Variants in PALD1 observed in about 807,000 individuals in gnomAD.
PALD1 encodes the protein paladin.
PALD1 carries 57 observed loss-of-function variants against 96.0 expected under a neutral mutation model. The ratio of observed to expected loss-of-function variants is 0.59; its 90% confidence interval spans 0.48 to 0.74. The LOEUF is 0.74. PALD1 is among the 30% of genes least tolerant of loss of function. The pLI, the probability that PALD1 is intolerant of heterozygous loss-of-function variation, is 0.00. For missense variants in PALD1, 1,063 were observed against 1,143.7 expected (o/e 0.93, Z 1.02); for synonymous variants, 464 against 473.6 (o/e 0.98, Z 0.26).
chr10:70,482,067 C>T (rs984530488), intron 1 of PALD1, among the ~76,000 whole-genome samples: 1 of 152,122 alleles, frequency 6.6e-6, no homozygotes, highest in Admixed American at 6.5e-5. Flanking sequence ...TGATTATGAG[C>T]CATCCCCTGT....
Position 70,539,748 on chromosome 10 carries a change from GC to G in PALD1, c.1900del (p.Arg634GlufsTer61). On this transcript the variant is annotated frameshift_variant, in exon 15 of 20. Coordinates refer to ENST00000263563, the MANE Select transcript of PALD1 (RefSeq NM_014431.3). LOFTEE classifies it high-confidence loss of function. The surrounding 1 kb of genome is among the most constrained non-coding windows in gnomAD (Gnocchi z 4.5). ...CCGCATCCCCATGCCGGACTTCTGTGCCCCCCGAGAGGAGGTGAGGGTGCTG... is the reference window on the plus strand; with the variant it reads ...CCGCATCCCCATGCCGGACTTCTGTGCCCCCGAGAGGAGGTGAGGGTGCTG... ...YHRIPMPDFC[A>X]PREEDFDQLL... The G allele has an allele frequency of 2.5e-6, 4 of 1,610,730 alleles. No homozygotes were observed. The highest frequency in any genetic ancestry group is 1.7e-5 in the Admixed American group (1 of 59,476).
At chr10:70,489,262 C>T (rs1846063643) in intron 1 of PALD1, among the ~76,000 whole-genome samples, 1 of 152,156 alleles carries the variant, frequency 6.6e-6, no homozygotes, top group Non-Finnish European at 1.5e-5. Context: ...CCAACCCCAA[C>T]CAATGAGACT....
chr10:70,534,031 C>G lies in PALD1; in HGVS notation c.980C>G (p.Thr327Ser), dbSNP rs752499989. ...ACCAACCTGGGCATGGTCCTGGGCACCCTCATCCTGCTTCACCGCAGTGGG... is the reference window on the plus strand; with the variant it reads ...ACCAACCTGGGCATGGTCCTGGGCAGCCTCATCCTGCTTCACCGCAGTGGG... ...GRTNLGMVLG[T>S]LILLHRSGTT... is the part of the protein sequence containing the mutation. The change falls in exon 8 of 20, where the codon ACC becomes AGC. Residue 327 changes from threonine to serine, a missense_variant. Transcript: ENST00000263563. The G allele has an allele frequency of 1.4e-5, 22 of 1,611,770 alleles. No homozygotes were observed. The East Asian group carries it at 4.9e-4, about 36-fold the overall frequency.
rs769099855 is a variant in PALD1 at position 70,529,207 on chromosome 10, TGCC to T, written c.186-21_186-19del. ...AGGTTGCTTGACTCAGTTTCCATTC[TGCC>T]CCCCCCCCCCCCCCCCAGGTACAAC... On this transcript the variant is annotated intron_variant, in intron 2 of 19. Transcript: ENST00000263563. 17 of 391,714 alleles carry T rather than the reference TGCC, an allele frequency of 4.3e-5. No homozygotes were observed. Among genetic ancestry groups the T allele is most frequent in the Non-Finnish European group, 6.4e-5 (14 of 217,276 alleles). The allele number at this position is 391,714 out of a possible 1,614,324, so 24.3% of individuals were successfully genotyped here.
chr10:70,501,824 T>TGTGG (rs1381739531), intron 1 of PALD1, among the ~76,000 whole-genome samples: 1 of 144,072 alleles, frequency 6.9e-6, no homozygotes. Context: ...TGTGTGTGTG[T>TGTGG]GTGTGTGTGT....
intron 19 of PALD1, 71 bp downstream of exon 19, chr10:70,564,590 C>G: frequency 2.7e-6 from 4 of 1,465,294 alleles, no homozygotes; most frequent in Non-Finnish European, 3.8e-6. Flanking sequence ...CACAGCCACT[C>G]AGTGCCTGTA....
intron 1 of PALD1, among the ~76,000 whole-genome samples, chr10:70,522,210 T>C (rs1846752692): frequency 6.6e-6 from 1 of 151,852 alleles, no homozygotes; most frequent in Non-Finnish European, 1.5e-5. Flanking sequence ...TTTTTTGAGG[T>C]TTCCCAAGTA....
chr10:70,474,603 A>AT (rs1030931447), upstream of PALD1, among the ~76,000 whole-genome samples: 21 of 152,224 alleles, frequency 1.4e-4, no homozygotes, highest in Non-Finnish European at 2.6e-4. Flanking sequence ...AAGGCTAAGC[A>AT]TTTTTTTGTG....
In PALD1 at chr10:70,566,772, C is replaced by G. The variant is rs756631629; in HGVS notation, c.*39C>G. 2 of 1,462,350 alleles carry G rather than the reference C, an allele frequency of 1.4e-6. No individual in the cohort carries two copies. Among genetic ancestry groups the G allele is most frequent in the Non-Finnish European group, 1.9e-6 (2 of 1,075,346 alleles). The allele number at this position is 1,462,350 out of a possible 1,614,324, so 90.6% of individuals were successfully genotyped here. A position where few individuals can be genotyped will look rare whatever the true frequency, so the allele number is the denominator to read the frequency against. On this transcript the variant is annotated 3_prime_UTR_variant, in exon 20 of 20. Transcript: ENST00000263563. ...CTGTCCCCCCACCCACAGGGCCCCA[C>G]GCAGGCCTGGGGTGTCTGAGGTGCT...
intron 1 of PALD1, among the ~76,000 whole-genome samples, chr10:70,499,298 C>T (rs1255563448): frequency 1.3e-5 from 2 of 152,246 alleles, no homozygotes; most frequent in Non-Finnish European, 2.9e-5. Context: ...CTTCTTGTCA[C>T]CTCTCTGGCC....
intron 1 of PALD1, among the ~76,000 whole-genome samples, chr10:70,508,047 A>G (rs989083979): frequency 2.6e-5 from 4 of 152,216 alleles, no homozygotes; most frequent in African/African-American, 9.6e-5. Flanking sequence ...GGACAAGAAG[A>G]TTGAGCCAGT....
upstream of PALD1, among the ~76,000 whole-genome samples, chr10:70,478,048 G>T (rs537223737): frequency 5.9e-5 from 9 of 151,932 alleles, no homozygotes; most frequent in Admixed American, 3.9e-4. Context: ...GGAGTGGTGG[G>T]GGGGGCAGGC....
chr10:70,476,484 G>C (rs1245396820), upstream of PALD1, among the ~76,000 whole-genome samples: 1 of 152,234 alleles, frequency 6.6e-6, no homozygotes, highest in Non-Finnish European at 1.5e-5. Flanking sequence ...GCTATTCTGA[G>C]TAGGGACTTG....
At chr10:70,523,112 A>G (rs552963718) in intron 1 of PALD1, among the ~76,000 whole-genome samples, 173 of 152,216 alleles carry the variant, frequency 1.1e-3, no homozygotes, top group East Asian at 9.7e-4. Flanking sequence ...TGCCTGTTCT[A>G]CCCCTGCGGC....
At chr10:70,534,696 A>AC (rs553800275) in intron 9 of PALD1, 43 bp from the exon 10 acceptor site, 16 of 797,964 alleles carry the variant, frequency 2.0e-5, no homozygotes, top group East Asian at 6.6e-5. Context: ...CCTGCTCCCC[A>AC]CCCCCCCACC....
rs941848395 is a variant in PALD1, at chr10:70,534,142, G to T, written c.1022+69G>T. ...AGGAGGGGACAGGCTGCCCCACAGTGTGGGGACATGTCTAGGAGCCCAGAG... is the reference window on the plus strand; with the variant it reads ...AGGAGGGGACAGGCTGCCCCACAGTTTGGGGACATGTCTAGGAGCCCAGAG... On this transcript the variant is annotated intron_variant, in intron 8 of 19. Coordinates refer to ENST00000263563, the MANE Select transcript of PALD1 (RefSeq NM_014431.3). 2.1e-6 allele frequency: 3 copies of T among 1,440,208 alleles called. No individual in the cohort carries two copies. The African/African-American group carries it at 4.3e-5, about 21-fold the overall frequency. 89.2% of individuals were successfully genotyped at this position (1,440,208 alleles called of 1,614,324 possible).
rs1847187514 is a variant in PALD1, at chr10:70,539,323, C to T, written c.1725+76C>T. ...TGGCCTGGGAGGGTCTTCAGAAGGC[C>T]TCACACTCCCGCAGACAGATGGAGA... On this transcript the variant is annotated intron_variant, in intron 14 of 19. Coordinates refer to ENST00000263563, the MANE Select transcript of PALD1 (RefSeq NM_014431.3). The surrounding 1 kb of genome is among the most constrained non-coding windows in gnomAD (Gnocchi z 4.5). 5 of 1,407,258 alleles carry T rather than the reference C, an allele frequency of 3.6e-6. No individual in the cohort carries two copies. Among genetic ancestry groups the T allele is most frequent in the Non-Finnish European group, 4.8e-6 (5 of 1,041,346 alleles). 87.2% of individuals were successfully genotyped at this position (1,407,258 alleles called of 1,614,324 possible).
intron 1 of PALD1, among the ~76,000 whole-genome samples, chr10:70,508,784 CGTG>C (rs1186867894): frequency 1.0e-5 from 1 of 100,034 alleles, no homozygotes; most frequent in Non-Finnish European, 2.1e-5. Flanking sequence ...CTCTGTATGG[CGTG>C]TGTGTGTGTG....
chr10:70,559,221 C>T (rs1847681468), intron 18 of PALD1, among the ~76,000 whole-genome samples: 1 of 152,024 alleles, frequency 6.6e-6, no homozygotes. Flanking sequence ...TTGAACAGAC[C>T]TGAAGGAGGA....
Sources: gnomAD v4.1 joint callset for allele counts (sites outside exome capture counted in the v4.1 genomes callset) on GRCh38, gnomAD v4.1.1 for gene constraint, Gnocchi (gnomAD v3.1) non-coding constraint, MANE v1.5 for transcripts, NCBI Gene and HGNC (gene_info 2026-07-23, HGNC 2026-07-21) for gene names.